The following RYR3 variants were observed in gnomAD, a reference collection of about 807,000 sequenced individuals.
RYR3 encodes the protein ryanodine receptor 3.
A neutral mutation model predicts 584.3 loss-of-function variants in RYR3; 207 were observed. The ratio of observed to expected loss-of-function variants is 0.35; its 90% CI spans 0.32 to 0.40. The LOEUF is 0.40. Ranked by LOEUF, RYR3 falls within the 10% of genes least tolerant of loss-of-function variation. The pLI is 1.00. For missense variants in RYR3, 5,616 were observed against 6,089.2 expected, an observed-to-expected ratio of 0.92 and a Z score of 2.59; for synonymous variants, 2,416 against 2,248.5, an observed-to-expected ratio of 1.07 and a Z score of -2.11.
At position 33,629,955 on chromosome 15, in the gene RYR3, A is replaced by G. The variant is rs200236669; in HGVS notation, c.2695A>G (p.Lys899Glu). The G allele has an allele frequency of 1.6e-5, 26 of 1,600,754 alleles. No individual in the cohort carries two copies. The highest frequency in any genetic ancestry group is 2.1e-5 in the Non-Finnish European group (25 of 1,172,668). The change falls in exon 22 of 104, where the codon AAA becomes GAA. Residue 899 changes from lysine (K) to glutamate (E), a missense_variant. Lys to Glu is a moderately conservative substitution (Grantham distance 56, BLOSUM62 1). Around this residue, in one of 9 missense-constraint regions of RYR3, gnomAD observed 1,284 missense variants for 1,344.6 expected, o/e 0.95. Coordinates refer to ENST00000634891, the MANE Select transcript of RYR3 (RefSeq NM_001036.6). ...WTFGKIRDDN[K>E]RQHPCLVEFS... ...CACCACCTAGATACGAGATGACAAT[A>G]AAAGACAACACCCTTGCCTTGTGGA...
At chr15:33,533,864 T>C (rs2055089817) in intron 5 of RYR3, among the ~76,000 whole-genome samples, 1 of 151,562 alleles carries the variant, frequency 6.6e-6, no homozygotes, top group Non-Finnish European at 1.5e-5. Flanking sequence ...GCCATTCCAC[T>C]GTATCCTTTA....
intron 1 of RYR3, among the ~76,000 whole-genome samples, chr15:33,388,296 G>C (rs2041765319): frequency 1.3e-5 from 2 of 152,198 alleles, no homozygotes; most frequent in African/African-American, 4.8e-5. Context: ...ATAGAACACA[G>C]ATCTTTCAGA....
At chr15:33,828,468 C>T (rs1489199184) in intron 85 of RYR3, among the ~76,000 whole-genome samples, 1 of 152,136 alleles carries the variant, frequency 6.6e-6, no homozygotes, top group African/African-American at 2.4e-5. Context: ...CCAAGCTATG[C>T]AAAGAAAAAG....
intron 1 of RYR3, among the ~76,000 whole-genome samples, chr15:33,359,731 G>A (rs1974490022): frequency 6.6e-6 from 1 of 151,954 alleles, no homozygotes; most frequent in African/African-American, 2.4e-5. Flanking sequence ...CCATTCTCCT[G>A]CCTCAGCCTC....
rs1373050391 is a variant in RYR3, at chr15:33,636,362, G to A, written c.3382-14G>A. 1.9e-6 allele frequency: 3 copies of A among 1,612,950 alleles called. No homozygotes were observed. The African/African-American group carries it at 4.0e-5, about 22-fold the overall frequency. On this transcript the variant is annotated splice_polypyrimidine_tract_variant and intron_variant, in intron 26 of 103. Coordinates refer to ENST00000634891, the MANE Select transcript of RYR3 (RefSeq NM_001036.6). The stretch of plus-strand genomic sequence containing the variant: ...AGACTCCATTTCTCTAAGCCCTAGA[G>A]TCTTGTTTTCTAGGGCCAGCGTTGG...
intron 60 of RYR3, among the ~76,000 whole-genome samples, chr15:33,760,204 G>A (rs1342004187): frequency 2.6e-5 from 4 of 152,106 alleles, no homozygotes; most frequent in Non-Finnish European, 4.4e-5. Flanking sequence ...AAAGACAATC[G>A]ACACTATGAA....
At chr15:33,675,763 A>G (rs1221495677) in intron 38 of RYR3, among the ~76,000 whole-genome samples, 5 of 152,154 alleles carry the variant, frequency 3.3e-5, no homozygotes, top group Admixed American at 1.3e-4. Context: ...TTTTTTGGCT[A>G]TCGTTTGTTG....
chr15:33,467,851 A>T (rs950598281), intron 1 of RYR3, among the ~76,000 whole-genome samples: 2 of 152,062 alleles, frequency 1.3e-5, no homozygotes, highest in Non-Finnish European at 2.9e-5. Context: ...TGTTGTATTT[A>T]TTTATTTATT....
At position 33,574,409 on chromosome 15, in the gene RYR3, G is replaced by A. The variant is rs987159835; in HGVS notation, c.1269-5567G>A. 4.6e-5 allele frequency among the ~76,000 whole-genome samples: 7 copies of A among 152,154 alleles called. 1 individual carries two copies. The South Asian group carries it at 8.3e-4, about 18-fold the overall frequency. ...CTATCAAATTGAGTTTCATACTGCC[G>A]AGCCTTCATCTCATGTACTCATGGC... On this transcript the variant is annotated intron_variant, in intron 12 of 103. Transcript: ENST00000634891.
Position 33,584,476 on chromosome 15 carries a change from T to C in RYR3, c.1655T>C (p.Leu552Pro), listed in dbSNP as rs775198019. 9 of 1,545,446 alleles carry C rather than the reference T, an allele frequency of 5.8e-6. No homozygotes were observed. Among genetic ancestry groups the C allele is most frequent in the Non-Finnish European group, 8.0e-6 (9 of 1,120,196 alleles). ...LDWLISKLDR[L>P]ESSSGILEVL... The stretch of plus-strand genomic sequence containing the variant: ...TGGCTCATCAGTAAATTGGACAGAC[T>C]AGAATCTTCCTCAGGTGAGAATTGA... Residue 552 changes from leucine (L) to proline (P), a missense_variant, in exon 15 of 104, where the codon CTA (leucine) becomes CCA (proline). Leu to Pro is a moderately conservative substitution (Grantham distance 98). Coordinates refer to ENST00000634891, the MANE Select transcript of RYR3 (RefSeq NM_001036.6).
At chr15:33,533,951 C>T (rs189709870) in intron 5 of RYR3, among the ~76,000 whole-genome samples, 54 of 151,910 alleles carry the variant, frequency 3.6e-4, no homozygotes, top group African/African-American at 1.2e-3. Context: ...AACTTATTGC[C>T]GTAAGTATAA....
intron 36 of RYR3, among the ~76,000 whole-genome samples, chr15:33,666,798 C>T (rs1234553153): frequency 1.3e-5 from 2 of 152,186 alleles, no homozygotes; most frequent in Admixed American, 6.5e-5. Flanking sequence ...CCTTTCACTT[C>T]CAAGAGGACG....
chr15:33,725,989 A>C (rs28497849), intron 45 of RYR3, among the ~76,000 whole-genome samples: 2 of 139,204 alleles, frequency 1.4e-5, no homozygotes, highest in Non-Finnish European at 3.2e-5. Context: ...AAAAAAAAAA[A>C]AAAAAAAACA....
At chr15:33,713,653 G>T (rs1217911503) in intron 43 of RYR3, among the ~76,000 whole-genome samples, 9 of 152,136 alleles carry the variant, frequency 5.9e-5, no homozygotes, top group Non-Finnish European at 7.4e-5. Context: ...AGTCTGTTCA[G>T]GCTGCCATAA....
chr15:33,843,631 T>G, intron 92 of RYR3, 57 bp downstream of exon 92: 2 of 1,127,456 alleles, frequency 1.8e-6, no homozygotes, highest in East Asian at 2.6e-5. Context: ...GTATGCTATG[T>G]GTAGAAAAAG....
intron 18 of RYR3, among the ~76,000 whole-genome samples, chr15:33,607,221 A>G (rs2059951682): frequency 6.6e-6 from 1 of 152,232 alleles, no homozygotes; most frequent in East Asian, 1.9e-4. Context: ...AGTGCTGAGC[A>G]TCGCTGTTTC....
chr15:33,359,614 T>C (rs1974470040), intron 1 of RYR3, among the ~76,000 whole-genome samples: 1 of 150,830 alleles, frequency 6.6e-6, no homozygotes, highest in African/African-American at 2.4e-5. Context: ...ATTTATTTAT[T>C]TATTTATTTA....
At chr15:33,380,665 T>C (rs10438374) in intron 1 of RYR3, among the ~76,000 whole-genome samples, 22,980 of 152,216 alleles carry the variant, frequency 0.15, 2,050 homozygotes, top group African/African-American at 0.25. Flanking sequence ...CATTTGCACA[T>C]GGCGCTAAGC....
intron 1 of RYR3, among the ~76,000 whole-genome samples, chr15:33,447,691 A>G (rs963370792): frequency 3.9e-5 from 6 of 152,172 alleles, no homozygotes; most frequent in Non-Finnish European, 8.8e-5. Flanking sequence ...ATAAAAATTC[A>G]GTTCCCCAGT....
Sources: allele counts gnomAD v4.1 joint callset (sites outside exome capture counted in the v4.1 genomes callset), GRCh38; gene constraint gnomAD v4.1.1; regional missense constraint gnomAD v4.1.1; transcripts MANE v1.5; gene names NCBI Gene and HGNC (gene_info 2026-07-23, HGNC 2026-07-21).